Variants in MYZAP observed in about 807,000 individuals in gnomAD.
The protein encoded by MYZAP is GRINL1A complex locus upstream.
Under a neutral mutation model 69.4 loss-of-function variants are expected in MYZAP, and 66 were observed. The observed-to-expected ratio is 0.95, with a 90% CI of 0.78 to 1.17. The LOEUF is 1.17. Ranked by LOEUF, MYZAP falls within the 50% of genes most tolerant of loss-of-function variation. The pLI, the probability that MYZAP is intolerant of heterozygous loss-of-function variation, is 0.00. For missense variants in MYZAP, 611 were observed against 556.2 expected (o/e 1.10, Z -0.99); for synonymous variants, 256 against 205.9 (o/e 1.24, Z -2.09).
In MYZAP at chr15:57,604,387, G is replaced by A. The variant is rs375862743; in HGVS notation, c.162+32G>A. 17 of 1,612,976 alleles carry A rather than the reference G, an allele frequency of 1.1e-5. No individual in the cohort carries two copies. The South Asian group carries it at 1.1e-4, about 10-fold the overall frequency. On this transcript the variant is annotated intron_variant, in intron 2 of 12. Transcript: ENST00000267853. ...TATCTCCGAGGCAAAGCCCCAACAA[G>A]TTCCAGCCTCTATACCCTTAACCCA...
intron 12 of MYZAP, among the ~76,000 whole-genome samples, chr15:57,678,058 A>G (rs1412297401): frequency 3.6e-5 from 4 of 111,702 alleles, no homozygotes; most frequent in East Asian, 5.4e-4. Flanking sequence ...AAAAAAAAAA[A>G]AAAAGAAAAG....
intron 2 of MYZAP, among the ~76,000 whole-genome samples, chr15:57,614,797 G>A (rs1026143413): frequency 1.3e-5 from 2 of 152,160 alleles, no homozygotes; most frequent in Non-Finnish European, 2.9e-5. Flanking sequence ...CTCCAATTTG[G>A]AAAGACATAG....
intron 2 of MYZAP, among the ~76,000 whole-genome samples, chr15:57,617,723 G>A (rs1319645568): frequency 6.6e-6 from 1 of 152,222 alleles, no homozygotes; most frequent in African/African-American, 2.4e-5. Context: ...GGTTTCAAAT[G>A]CTTGCTCTTC....
intron 11 of MYZAP, among the ~76,000 whole-genome samples, chr15:57,666,973 T>C (rs2038605186): frequency 6.6e-6 from 1 of 152,228 alleles, no homozygotes; most frequent in Non-Finnish European, 1.5e-5. Flanking sequence ...AAAATAACAT[T>C]GCAAGCATTT....
chr15:57,620,975 A>G (rs1381269199), intron 3 of MYZAP, among the ~76,000 whole-genome samples: 2 of 148,836 alleles, frequency 1.3e-5, no homozygotes, highest in Non-Finnish European at 3.0e-5. Context: ...GTAATTATAT[A>G]TAATTTTATG....
At chr15:57,616,596 G>A (rs2035462735) in intron 2 of MYZAP, among the ~76,000 whole-genome samples, 1 of 151,734 alleles carries the variant, frequency 6.6e-6, no homozygotes, top group Non-Finnish European at 1.5e-5. Flanking sequence ...AGATTGCGCC[G>A]CTGCTCTCCA....
chr15:57,612,051 T>G (rs2035138577), intron 2 of MYZAP, among the ~76,000 whole-genome samples: 1 of 152,180 alleles, frequency 6.6e-6, no homozygotes, highest in African/African-American at 2.4e-5. Context: ...CTGGGCCAAA[T>G]AATTTGCTGA....
At chr15:57,623,544 C>T in intron 4 of MYZAP, among the ~76,000 whole-genome samples, 1 of 151,912 alleles carries the variant, frequency 6.6e-6, no homozygotes, top group East Asian at 1.9e-4. Context: ...ACCAGCCTGG[C>T]CAATGTGGTG....
intron 12 of MYZAP, among the ~76,000 whole-genome samples, chr15:57,677,960 T>C (rs1186022494): frequency 6.6e-6 from 1 of 150,436 alleles, no homozygotes; most frequent in African/African-American, 2.5e-5. Context: ...TGCCAGCACT[T>C]TGGGAGGCCA....
intron 2 of MYZAP, among the ~76,000 whole-genome samples, chr15:57,614,515 A>T (rs1221959223): frequency 1.3e-4 from 20 of 152,344 alleles, no homozygotes; most frequent in Non-Finnish European, 1.5e-5. Context: ...TCAGCCCAGC[A>T]GTGCAGATCG....
At chr15:57,617,800 C>T (rs1213633895) in intron 2 of MYZAP, among the ~76,000 whole-genome samples, 1 of 152,166 alleles carries the variant, frequency 6.6e-6, no homozygotes, top group Admixed American at 6.5e-5. Flanking sequence ...TGGACAGGCC[C>T]TTATATACAT....
intron 10 of MYZAP, among the ~76,000 whole-genome samples, chr15:57,655,723 G>A (rs563363330): frequency 1.3e-5 from 2 of 152,282 alleles, no homozygotes; most frequent in South Asian, 4.1e-4. Flanking sequence ...GGGCTGCAAG[G>A]CCCATATTCA....
intron 11 of MYZAP, among the ~76,000 whole-genome samples, chr15:57,671,308 G>T (rs918731622): frequency 1.3e-5 from 2 of 152,074 alleles, no homozygotes; most frequent in Non-Finnish European, 1.5e-5. Flanking sequence ...TATATAACAG[G>T]TTGCTTTCAA....
At chr15:57,598,144 G>C (rs2034181224) in intron 1 of MYZAP, among the ~76,000 whole-genome samples, 1 of 152,176 alleles carries the variant, frequency 6.6e-6, no homozygotes, top group Non-Finnish European at 1.5e-5. Context: ...GCCTGAAGTT[G>C]AGAGCATGAT....
At chr15:57,613,221 C>T (rs1595866100) in intron 2 of MYZAP, among the ~76,000 whole-genome samples, 1 of 152,156 alleles carries the variant, frequency 6.6e-6, no homozygotes, top group Non-Finnish European at 1.5e-5. Context: ...CATGAGCCAC[C>T]ATTCCTGGCC....
At chr15:57,611,248 C>T (rs1435045112) in intron 2 of MYZAP, among the ~76,000 whole-genome samples, 4 of 152,116 alleles carry the variant, frequency 2.6e-5, no homozygotes, top group Non-Finnish European at 5.9e-5. Context: ...TAGGGGCACA[C>T]AGCTAGTAGA....
Position 57,629,788 on chromosome 15 carries a change from C to T in MYZAP, c.612C>T (p.Asp204=). 6.2e-7 allele frequency: 1 copy of T among 1,614,060 alleles called. No homozygotes were observed. The highest frequency in any genetic ancestry group is 1.1e-5 in the South Asian group (1 of 91,068). Residue 204 remains aspartate, a synonymous_variant, in exon 6 of 13, where the codon GAC becomes GAT. Transcript: ENST00000267853. ...AGCAGACGTATGAAGCATCCATGGA[C>T]AAGCTGAGGGAAAAGCAGAGGCAGT... ...NLQQTYEASM[D]KLREKQRQLE... is the part of the protein sequence containing the mutation.
intron 1 of MYZAP, among the ~76,000 whole-genome samples, chr15:57,603,576 C>A (rs1194321960): frequency 6.6e-6 from 1 of 152,208 alleles, no homozygotes; most frequent in African/African-American, 2.4e-5. Flanking sequence ...TAAGTAGAAT[C>A]ATACAGTATT....
chr15:57,626,489 A>G (rs559371207), intron 5 of MYZAP, among the ~76,000 whole-genome samples: 4 of 152,314 alleles, frequency 2.6e-5, no homozygotes, highest in Non-Finnish European at 5.9e-5. Flanking sequence ...GGTTTACAGG[A>G]GCTAACCCTT....
Sources: gnomAD v4.1 joint callset for allele counts (sites outside exome capture counted in the v4.1 genomes callset) on GRCh38, gnomAD v4.1.1 for gene constraint, MANE v1.5 for transcripts, NCBI Gene and HGNC (gene_info 2026-07-23, HGNC 2026-07-21) for gene names.